The following LYRM7 variants were observed in gnomAD, a reference collection of about 807,000 sequenced individuals.
LYRM7 encodes complex III assembly factor LYRM7.
LYRM7 carries 9 observed loss-of-function variants against 15.8 expected under a neutral mutation model. The observed-to-expected ratio is 0.57, with a 90% CI of 0.34 to 0.99. The LOEUF is 0.99. Among genes scored for constraint, LYRM7 ranks in the 50% least tolerant of loss-of-function variants. The pLI, the probability that LYRM7 is intolerant of heterozygous loss-of-function variation, is 0.02. For missense variants in LYRM7, 115 were observed against 119.1 expected (o/e 0.97, Z 0.16); for synonymous variants, 39 against 39.4 (o/e 0.99, Z 0.04).
intron 4 of LYRM7, among the ~76,000 whole-genome samples, chr5:131,188,107 G>A (rs925496614): frequency 6.6e-6 from 1 of 151,814 alleles, no homozygotes; most frequent in African/African-American, 2.4e-5. Context: ...AAATACAAAA[G>A]TTATCAGGAT....
At chr5:131,190,949 G>T (rs57168348) in intron 4 of LYRM7, among the ~76,000 whole-genome samples, 25,480 of 151,888 alleles carry the variant, frequency 0.17, 2,482 homozygotes, top group African/African-American at 0.27. Flanking sequence ...TTTATCATAT[G>T]AATAAAGTTT....
chr5:131,174,067 A>G (rs1050887382), intron 1 of LYRM7, among the ~76,000 whole-genome samples: 12 of 152,248 alleles, frequency 7.9e-5, no homozygotes, highest in African/African-American at 2.7e-4. Flanking sequence ...ATTGGATTCA[A>G]TCCTCTCAAC....
intron 4 of LYRM7, among the ~76,000 whole-genome samples, chr5:131,198,527 G>GA (rs1756007152): frequency 6.6e-6 from 1 of 152,072 alleles, no homozygotes; most frequent in Non-Finnish European, 1.5e-5. Context: ...CTCTTCTGGA[G>GA]AAAAGAAGAA....
intron 4 of LYRM7, among the ~76,000 whole-genome samples, chr5:131,197,596 C>CAGT (rs1755987620): frequency 8.0e-6 from 1 of 125,500 alleles, no homozygotes; most frequent in Non-Finnish European, 1.6e-5. Flanking sequence ...GGCTGGAGTG[C>CAGT]AGTAGCATAA....
At position 131,200,577 on chromosome 5, in the gene LYRM7, G is replaced by A. The variant is rs943231917; in HGVS notation, c.*976G>A. 3 of 152,204 alleles carry A rather than the reference G, an allele frequency of 2.0e-5. No individual in the cohort carries two copies. Among genetic ancestry groups the A allele is most frequent in the African/African-American group, 7.2e-5 (3 of 41,396 alleles). 9.4% of individuals were successfully genotyped at this position (152,204 alleles called of 1,614,324 possible). The stretch of plus-strand genomic sequence containing the variant: ...AATAGTATGTTTTCTCCCATTCACT[G>A]ATAAATTCTCTCATTTGATGATGAT... On this transcript the variant is annotated 3_prime_UTR_variant, in exon 5 of 5. Coordinates refer to ENST00000379380, the MANE Select transcript of LYRM7 (RefSeq NM_181705.4).
chr5:131,182,127 A>G (rs1288354083), intron 2 of LYRM7, 102 bp from the exon 3 acceptor site: 5 of 1,029,754 alleles, frequency 4.9e-6, no homozygotes, highest in Non-Finnish European at 6.6e-6. Context: ...GGCAATTTCT[A>G]TAGTAGAGAA....
At chr5:131,194,005 G>A (rs1455191366) in intron 4 of LYRM7, among the ~76,000 whole-genome samples, 2 of 150,976 alleles carry the variant, frequency 1.3e-5, no homozygotes, top group African/African-American at 2.4e-5. Flanking sequence ...GCAAAACTCC[G>A]TCTCAAAAAA....
intron 4 of LYRM7, among the ~76,000 whole-genome samples, chr5:131,190,907 T>C (rs1755876020): frequency 6.6e-6 from 1 of 152,174 alleles, no homozygotes; most frequent in African/African-American, 2.4e-5. Context: ...ATAGCCAACA[T>C]TTTATACAGG....
chr5:131,188,920 G>A (rs1755839397), intron 4 of LYRM7, among the ~76,000 whole-genome samples: 1 of 152,108 alleles, frequency 6.6e-6, no homozygotes, highest in South Asian at 2.1e-4. Flanking sequence ...GCCGAGGCGG[G>A]TGGATCACTT....
Position 131,180,017 on chromosome 5 carries a change from C to T in LYRM7, c.19-78C>T. The T allele has an allele frequency of 3.2e-6, 3 of 937,668 alleles. No individual in the cohort carries two copies. The South Asian group carries it at 4.2e-5, about 13-fold the overall frequency. The allele number at this position is 937,668 out of a possible 1,614,324, so 58.1% of individuals were successfully genotyped here. ...GAACTCCTGGGCTAAAGCGATCCTG[C>T]TACCTCAACTTCCCAAAGTGCTGGG... On this transcript the variant is annotated intron_variant, in intron 1 of 4. Transcript: ENST00000379380.
intron 4 of LYRM7, among the ~76,000 whole-genome samples, chr5:131,192,023 TGTG>T (rs963882810): frequency 8.5e-5 from 11 of 129,660 alleles, no homozygotes; most frequent in Non-Finnish European, 1.5e-4. Context: ...TTAAAAAAAA[TGTG>T]GTGCATACAC....
At chr5:131,187,177 C>A in intron 4 of LYRM7, 68 bp downstream of exon 4, 2 of 856,370 alleles carry the variant, frequency 2.3e-6, no homozygotes, top group Non-Finnish European at 3.8e-6. Context: ...AATTATAGCA[C>A]ATGTAATGCT....
chr5:131,181,168 G>A (rs1457013884), intron 2 of LYRM7, among the ~76,000 whole-genome samples: 2 of 141,944 alleles, frequency 1.4e-5, no homozygotes, highest in African/African-American at 5.1e-5. Flanking sequence ...GCACACACCT[G>A]TAATCCCTTG....
rs1756024281 is a variant in LYRM7, at chr5:131,199,540, C to T, written c.254C>T (p.Pro85Leu). ...HTDHNTLKLV[P>L]RKDLLVENVP... ...TTTTTTTTTCTTTCAGAACTGGTCCCTAGGAAAGACCTTCTTGTAGAAAAT... is the reference window on the plus strand; with the variant it reads ...TTTTTTTTTCTTTCAGAACTGGTCCTTAGGAAAGACCTTCTTGTAGAAAAT... The change falls in exon 5 of 5, where the codon CCT (proline) becomes CTT (leucine). Residue 85 changes from proline to leucine, a missense_variant. By Grantham distance (98) the Pro-to-Leu change is moderately conservative. Transcript: ENST00000379380. 3.1e-6 allele frequency: 5 copies of T among 1,597,190 alleles called. No individual in the cohort carries two copies. Among genetic ancestry groups the T allele is most frequent in the Non-Finnish European group, 4.3e-6 (5 of 1,172,430 alleles).
At position 131,204,541 on chromosome 5, in the gene LYRM7, C is replaced by A. The variant is rs1323102286; in HGVS notation, c.*4940C>A. Reference sequence around the variant, plus strand: ...TTTGGGTATCCCTAATCCAGAAATTCAAATGCTCCAAAGTCCAAAACTTTC... The same window carrying A: ...TTTGGGTATCCCTAATCCAGAAATTAAAATGCTCCAAAGTCCAAAACTTTC... On this transcript the variant is annotated 3_prime_UTR_variant, in exon 5 of 5. Coordinates refer to ENST00000379380, the MANE Select transcript of LYRM7 (RefSeq NM_181705.4). The A allele has an allele frequency of 1.3e-5, 2 of 149,708 alleles. No homozygotes were observed. The highest frequency in any genetic ancestry group is 4.9e-5 in the African/African-American group (2 of 40,810). The allele number at this position is 149,708 out of a possible 1,614,324, so 9.3% of individuals were successfully genotyped here. A position where few individuals can be genotyped will look rare whatever the true frequency, so the allele number is the denominator to read the frequency against.
In LYRM7 at chr5:131,176,124, G is replaced by A. The variant is rs138682493; in HGVS notation, c.19-3971G>A. ...AGGATATTTCACATTTTACTTCCCC[G>A]TTCATGAGTTCATGGACATTTAGGT... On this transcript the variant is annotated intron_variant, in intron 1 of 4. Coordinates refer to ENST00000379380, the MANE Select transcript of LYRM7 (RefSeq NM_181705.4). Among the ~76,000 whole-genome samples, 563 of 152,190 alleles carry A rather than the reference G, an allele frequency of 3.7e-3. 5 individuals are homozygous for A. Among genetic ancestry groups the A allele is most frequent in the African/African-American group, 0.013 (545 of 41,506 alleles).
Position 131,180,082 on chromosome 5 carries a change from A to G in LYRM7, c.19-13A>G. ...CCACTGTGCCCAACCTTGAATTCTG[A>G]TTTTCTTAACAGGTTTTACAGCTCT... On this transcript the variant is annotated splice_polypyrimidine_tract_variant and intron_variant, in intron 1 of 4. Transcript: ENST00000379380. 6.2e-7 allele frequency: 1 copy of G among 1,600,012 alleles called. No individual in the cohort carries two copies. Among genetic ancestry groups the G allele is most frequent in the Non-Finnish European group, 8.6e-7 (1 of 1,168,810 alleles).
At chr5:131,174,192 A>G (rs1287675895) in intron 1 of LYRM7, among the ~76,000 whole-genome samples, 1 of 152,254 alleles carries the variant, frequency 6.6e-6, no homozygotes, top group Non-Finnish European at 1.5e-5. Context: ...GATGATCTTC[A>G]TAAACTCAAG....
At position 131,182,304 on chromosome 5, in the gene LYRM7, A is replaced by G; in HGVS notation, c.162+5A>G. 7.2e-7 allele frequency: 1 copy of G among 1,388,710 alleles called. No individual in the cohort carries two copies. Among genetic ancestry groups the G allele is most frequent in the South Asian group, 1.3e-5 (1 of 76,264 alleles). 86.0% of individuals were successfully genotyped at this position (1,388,710 alleles called of 1,614,324 possible). A position where few individuals can be genotyped will look rare whatever the true frequency, so the allele number is the denominator to read the frequency against. The stretch of plus-strand genomic sequence containing the variant: ...TCTTCTAAGAAAATAGAAGAGGTAC[A>G]GTAATTTTTTCAATTATAGTAAAAC... On this transcript the variant is annotated splice_donor_5th_base_variant and intron_variant, in intron 3 of 4. Transcript: ENST00000379380.
Sources: gnomAD v4.1 joint callset for allele counts (sites outside exome capture counted in the v4.1 genomes callset) on GRCh38, gnomAD v4.1.1 for gene constraint, MANE v1.5 for transcripts, NCBI Gene and HGNC (gene_info 2026-07-23, HGNC 2026-07-21) for gene names.